The following COG5 variants were observed in gnomAD, a reference collection of about 807,000 sequenced individuals.
The protein encoded by COG5 is conserved oligomeric Golgi complex subunit 5.
In COG5, 86 loss-of-function variants were observed where a neutral mutation model predicts 110.4. The ratio of observed to expected loss-of-function variants is 0.78; its 90% confidence interval spans 0.65 to 0.93. The LOEUF (loss-of-function observed/expected upper bound fraction) is 0.93. COG5 is among the 40% of genes least tolerant of loss of function. The pLI, the probability that COG5 is intolerant of heterozygous loss-of-function variation, is 0.00. For synonymous variants in COG5, 360 were observed against 334.6 expected (o/e 1.08, Z -0.83); for missense variants, 1,077 against 987.0 (o/e 1.09, Z -1.22).
intron 10 of COG5, among the ~76,000 whole-genome samples, chr7:107,351,130 A>G (rs1030718221): frequency 6.6e-5 from 10 of 152,204 alleles, no homozygotes; most frequent in East Asian, 1.9e-4. Context: ...CTTACTAATA[A>G]TAAGAGCCCT....
At chr7:107,406,743 C>G (rs1272325503) in intron 7 of COG5, among the ~76,000 whole-genome samples, 1 of 152,116 alleles carries the variant, frequency 6.6e-6, no homozygotes, top group Non-Finnish European at 1.5e-5. Context: ...GGTACTGTTT[C>G]CCTTCTAGAA....
chr7:107,409,776 T>C (rs12537785), intron 7 of COG5, among the ~76,000 whole-genome samples: 25,600 of 152,160 alleles, frequency 0.17, 2,410 homozygotes, highest in Non-Finnish European at 0.21. Flanking sequence ...GAATGAACTT[T>C]GCATGAAGTC....
intron 6 of COG5, among the ~76,000 whole-genome samples, chr7:107,446,517 T>C (rs1795014227): frequency 6.6e-6 from 1 of 152,218 alleles, no homozygotes; most frequent in Admixed American, 6.5e-5. Context: ...ATCCCAGGGT[T>C]GGTCCATGTG....
At chr7:107,229,266 T>C (rs1475932361) in intron 19 of COG5, among the ~76,000 whole-genome samples, 1 of 152,120 alleles carries the variant, frequency 6.6e-6, no homozygotes, top group Non-Finnish European at 1.5e-5. Flanking sequence ...CTGGCCAACA[T>C]GGTGAAACAC....
chr7:107,295,038 TACACACAC>T (rs1249923848), intron 12 of COG5, among the ~76,000 whole-genome samples: 4,084 of 52,872 alleles, frequency 0.077, 278 homozygotes, highest in Non-Finnish European at 0.11. Flanking sequence ...CACACACATA[TACACACAC>T]ACACACACAC....
intron 15 of COG5, 90 bp from the exon 16 acceptor site, chr7:107,256,884 A>T (rs1802926084): frequency 1.2e-6 from 1 of 850,802 alleles, no homozygotes; most frequent in Non-Finnish European, 2.0e-6. Context: ...AGCTGTTTCC[A>T]CAAAGTATAT....
At chr7:107,306,681 A>AT (rs1001446920) in intron 11 of COG5, among the ~76,000 whole-genome samples, 2 of 152,084 alleles carry the variant, frequency 1.3e-5, no homozygotes, top group Admixed American at 1.3e-4. Context: ...GCAATCCCTT[A>AT]TTTTTTAACA....
chr7:107,314,026 A>G (rs1009533668), intron 11 of COG5, among the ~76,000 whole-genome samples: 1 of 152,190 alleles, frequency 6.6e-6, no homozygotes, highest in African/African-American at 2.4e-5. Flanking sequence ...AAAGATAAAC[A>G]TATTATGGTA....
rs1203263797 is a variant in COG5, at chr7:107,228,371, C to A, written c.2168+2244G>T. On this transcript the variant is annotated intron_variant, in intron 19 of 21. Transcript: ENST00000297135. The stretch of plus-strand genomic sequence containing the variant: ...TGCTAAATCACAGCTTTTCTCATAC[C>A]TTTTTCAATAACTAGATGGTTAATA... Among the ~76,000 whole-genome samples, 2 of 151,216 alleles carry A rather than the reference C, an allele frequency of 1.3e-5. 1 individual carries two copies.
chr7:107,253,496 A>C (rs1487278273), intron 16 of COG5, among the ~76,000 whole-genome samples: 1 of 152,144 alleles, frequency 6.6e-6, no homozygotes, highest in African/African-American at 2.4e-5. Flanking sequence ...TGGCAATGTA[A>C]TCACTATCTG....
intron 6 of COG5, among the ~76,000 whole-genome samples, chr7:107,463,000 A>C (rs114779172): frequency 3.9e-5 from 6 of 152,360 alleles, no homozygotes; most frequent in Admixed American, 3.3e-4. Context: ...GGTCAAAGCT[A>C]TAAGAATGGA....
In COG5 at chr7:107,307,724, A is replaced by C. The variant is rs141436349; in HGVS notation, c.1109-9378T>G. On this transcript the variant is annotated intron_variant, in intron 11 of 21. Transcript: ENST00000297135. Reference sequence around the variant, plus strand: ...AGCTAAGCTATATGAATGCAAAGACATAAGAATGATATAATGGACTTTAGG... The same window carrying C: ...AGCTAAGCTATATGAATGCAAAGACCTAAGAATGATATAATGGACTTTAGG... Among the ~76,000 whole-genome samples the C allele has an allele frequency of 1.3e-3, 200 of 152,298 alleles. 4 individuals are homozygous for C. The East Asian group carries it at 0.032, about 24-fold the overall frequency.
chr7:107,372,538 CAA>C (rs1309886356), intron 8 of COG5, 55 bp downstream of exon 8: 6 of 1,553,306 alleles, frequency 3.9e-6, no homozygotes, highest in Non-Finnish European at 5.3e-6. Context: ...ACATACTATT[CAA>C]AAGACTTCTC....
intron 10 of COG5, among the ~76,000 whole-genome samples, chr7:107,339,511 TTAAC>T (rs1414015752): frequency 1.3e-5 from 2 of 152,014 alleles, no homozygotes; most frequent in African/African-American, 4.8e-5. Flanking sequence ...AGTTCAGCAC[TTAAC>T]TAACTGGACC....
intron 6 of COG5, among the ~76,000 whole-genome samples, chr7:107,454,931 C>T (rs1447592059): frequency 3.9e-5 from 6 of 151,978 alleles, no homozygotes; most frequent in Non-Finnish European, 7.4e-5. Flanking sequence ...TCTAATATGT[C>T]TTAATATGTT....
rs1792064087 is a variant in COG5, at chr7:107,408,862, C to A, written c.669+3640G>T. 2.0e-5 allele frequency among the ~76,000 whole-genome samples: 3 copies of A among 152,082 alleles called. No individual in the cohort carries two copies. In the South Asian group the frequency reaches 6.2e-4, roughly 32 times the overall value. The stretch of plus-strand genomic sequence containing the variant: ...GAGGTAGCAATATGTGCCCAACTTG[C>A]CCAATTCTCCACAGTTCAGTAGTTC... On this transcript the variant is annotated intron_variant, in intron 7 of 21. Coordinates refer to ENST00000297135, the MANE Select transcript of COG5 (RefSeq NM_006348.5).
At chr7:107,294,986 TACACACATATAC>T (rs1806538858) in intron 12 of COG5, among the ~76,000 whole-genome samples, 1 of 128,256 alleles carries the variant, frequency 7.8e-6, no homozygotes, top group African/African-American at 2.9e-5. Flanking sequence ...TACACATATA[TACACACATATAC>T]ACATCTATAT....
chr7:107,368,079 T>C (rs1813789834), intron 8 of COG5, among the ~76,000 whole-genome samples: 1 of 152,104 alleles, frequency 6.6e-6, no homozygotes, highest in African/African-American at 2.4e-5. Flanking sequence ...AAGGGAAAAG[T>C]ATAAGTATGC....
chr7:107,350,773 C>A (rs1335153670), intron 10 of COG5, among the ~76,000 whole-genome samples: 2 of 152,142 alleles, frequency 1.3e-5, no homozygotes, highest in Non-Finnish European at 2.9e-5. Context: ...TGGTGTAATG[C>A]AAGACTCTCA....
Sources: gnomAD v4.1 joint callset for allele counts (sites outside exome capture counted in the v4.1 genomes callset) on GRCh38, gnomAD v4.1.1 for gene constraint, MANE v1.5 for transcripts, NCBI Gene and HGNC (gene_info 2026-07-23, HGNC 2026-07-21) for gene names.